The following THOC7 variants were observed in gnomAD, a reference collection of about 807,000 sequenced individuals.
THOC7 encodes NIF3L1-binding protein 1.
In THOC7, 22 loss-of-function variants were observed where a neutral mutation model predicts 33.1. The ratio of observed to expected loss-of-function variants is 0.66; its 90% CI spans 0.47 to 0.95. The LOEUF is 0.95. Ranked by LOEUF, THOC7 falls within the 40% of genes least tolerant of loss-of-function variation. The pLI, the probability that THOC7 is intolerant of heterozygous loss-of-function variation, is 0.00. For missense variants in THOC7, 184 were observed against 245.3 expected (o/e 0.75, Z 1.67); for synonymous variants, 77 against 76.8 (o/e 1.00, Z -0.01).
chr3:63,835,526 G>T, intron 5 of THOC7, 136 bp from the exon 6 acceptor site: 2 of 613,064 alleles, frequency 3.3e-6, no homozygotes, highest in South Asian at 3.0e-5. Context: ...ACTCCATTAT[G>T]GTGAAACTTT....
At chr3:63,863,665 G>T (rs1702298287) in intron 1 of THOC7, 107 bp downstream of exon 1, 2 of 1,228,186 alleles carry the variant, frequency 1.6e-6, no homozygotes, top group African/African-American at 1.6e-5. Context: ...TGGCGAAGAG[G>T]CCGGGGAGGC....
chr3:63,835,281 G>A (rs1559601638), intron 6 of THOC7, 43 bp downstream of exon 6: 1 of 1,612,124 alleles, frequency 6.2e-7, no homozygotes, highest in Non-Finnish European at 8.5e-7. Flanking sequence ...TATATAGACA[G>A]ACAGATAGAC....
intron 1 of THOC7, among the ~76,000 whole-genome samples, chr3:63,840,098 GGTT>G (rs1360713737): frequency 6.6e-6 from 1 of 152,116 alleles, no homozygotes; most frequent in Non-Finnish European, 1.5e-5. Context: ...CAGTCTACTG[GGTT>G]GTTGAGTGGA....
chr3:63,843,906 A>T (rs1176171042), intron 1 of THOC7, among the ~76,000 whole-genome samples: 1 of 152,178 alleles, frequency 6.6e-6, no homozygotes, highest in African/African-American at 2.4e-5. Context: ...GTCTCAGAAA[A>T]AAAAAAACAA....
At chr3:63,836,479 A>T (rs1214474358) in intron 4 of THOC7, 121 bp from the exon 5 acceptor site, 2 of 872,418 alleles carry the variant, frequency 2.3e-6, no homozygotes, top group Non-Finnish European at 3.6e-6. Context: ...AAATGAAATC[A>T]CTGAAAGATG....
intron 1 of THOC7, among the ~76,000 whole-genome samples, chr3:63,844,064 T>C (rs1311525706): frequency 6.6e-6 from 1 of 152,290 alleles, no homozygotes; most frequent in African/African-American, 2.4e-5. Context: ...TGGATGAACC[T>C]AGAGAACATT....
rs1213290117 is a variant in THOC7 at position 63,863,773 on chromosome 3, G to T, written c.18C>A (p.Asp6Glu). ...GTGTGGCGGCGAGCGGGGCCTCACCGTCAGTCACGGCTCCCATGGCGTGCG... is the reference window on the plus strand; with the variant it reads ...GTGTGGCGGCGAGCGGGGCCTCACCTTCAGTCACGGCTCCCATGGCGTGCG... MGAVT[D>E]DEVIRKRLLI... Residue 6 changes from aspartate (D) to glutamate (E), a missense_variant and splice_region_variant, in exon 1 of 8, where the codon GAC (aspartate) becomes GAA (glutamate). Physicochemically the swap from Asp to Glu is conservative, Grantham distance 45. This residue lies in a region of THOC7 where 157 missense variants were observed against 201.3 expected (regional missense o/e 0.78). Coordinates refer to ENST00000295899, the MANE Select transcript of THOC7 (RefSeq NM_025075.4). 2.6e-5 allele frequency: 32 copies of T among 1,252,314 alleles called. No homozygotes were observed. The highest frequency in any genetic ancestry group is 3.2e-5 in the Non-Finnish European group (32 of 1,006,118). The allele number at this position is 1,252,314 out of a possible 1,614,324, so 77.6% of individuals were successfully genotyped here.
chr3:63,855,495 G>C (rs1159334460), intron 1 of THOC7, among the ~76,000 whole-genome samples: 1 of 152,096 alleles, frequency 6.6e-6, no homozygotes, highest in Non-Finnish European at 1.5e-5. Flanking sequence ...ACAGTTACTA[G>C]AGCAACTCTA....
At chr3:63,844,873 G>T in intron 1 of THOC7, 1 of 496,132 alleles carries the variant, frequency 2.0e-6, no homozygotes, top group South Asian at 3.9e-5. Context: ...TACAGCCTTG[G>T]AAAACAGAGT....
At chr3:63,852,051 G>A (rs770190865) in intron 1 of THOC7, among the ~76,000 whole-genome samples, 7 of 152,224 alleles carry the variant, frequency 4.6e-5, no homozygotes, top group Non-Finnish European at 8.8e-5. Context: ...AGTGCTCCTC[G>A]GCCACCCCAG....
intron 1 of THOC7, among the ~76,000 whole-genome samples, chr3:63,848,830 C>CT (rs1559607127): frequency 3.3e-5 from 5 of 151,998 alleles, no homozygotes. Context: ...AAGGAAACTT[C>CT]TTTTTTTAAA....
intron 1 of THOC7, among the ~76,000 whole-genome samples, chr3:63,844,793 C>T (rs1398880586): frequency 6.6e-6 from 1 of 152,146 alleles, no homozygotes; most frequent in Non-Finnish European, 1.5e-5. Context: ...TCTTGAATTT[C>T]CCACCCTCTA....
chr3:63,843,976 T>TA (rs1559605191), intron 1 of THOC7, among the ~76,000 whole-genome samples: 1 of 152,024 alleles, frequency 6.6e-6, no homozygotes, highest in African/African-American at 2.4e-5. Context: ...AAATATGTGT[T>TA]ACACATACAC....
intron 1 of THOC7, among the ~76,000 whole-genome samples, chr3:63,852,620 G>T (rs1702040332): frequency 6.6e-6 from 1 of 152,194 alleles, no homozygotes; most frequent in Non-Finnish European, 1.5e-5. Context: ...AGGACCCAAA[G>T]ATATACAAGC....
intron 1 of THOC7, among the ~76,000 whole-genome samples, chr3:63,847,003 A>T (rs1701911811): frequency 1.3e-5 from 2 of 152,140 alleles, no homozygotes; most frequent in Admixed American, 1.3e-4. Flanking sequence ...CAATCCCTAA[A>T]ACAGCAGTTT....
chr3:63,852,050 C>T lies in THOC7; in HGVS notation c.19+11722G>A, dbSNP rs530815715. ...CCCTGCATTCTGGCACAGTGCTCCT[C>T]GGCCACCCCAGTTGTGGTTCAAGAA... On this transcript the variant is annotated intron_variant, in intron 1 of 7. Coordinates refer to ENST00000295899, the MANE Select transcript of THOC7 (RefSeq NM_025075.4). 2.8e-4 allele frequency among the ~76,000 whole-genome samples: 42 copies of T among 152,244 alleles called. No homozygotes were observed. In the South Asian group the frequency reaches 3.5e-3, roughly 13 times the overall value.
intron 1 of THOC7, among the ~76,000 whole-genome samples, chr3:63,843,205 A>G (rs755197086): frequency 5.9e-5 from 9 of 151,884 alleles, no homozygotes; most frequent in African/African-American, 2.2e-4. Flanking sequence ...TGCAACCTCT[A>G]TCTCCTGGGT....
chr3:63,863,163 T>C (rs1281880824), intron 1 of THOC7: 2 of 152,672 alleles, frequency 1.3e-5, no homozygotes, highest in Admixed American at 1.3e-4. Context: ...CCACTCGCAG[T>C]TCAAGGCCTC....
intron 1 of THOC7, among the ~76,000 whole-genome samples, chr3:63,843,359 C>A (rs572873511): frequency 6.6e-6 from 1 of 151,632 alleles, no homozygotes; most frequent in South Asian, 2.1e-4. Context: ...CTCAAATGAT[C>A]CGCCTACCTC....
Sources: allele counts gnomAD v4.1 joint callset (sites outside exome capture counted in the v4.1 genomes callset), GRCh38; gene constraint gnomAD v4.1.1; regional missense constraint gnomAD v4.1.1; transcripts MANE v1.5; gene names NCBI Gene and HGNC (gene_info 2026-07-23, HGNC 2026-07-21).